DEFB125: variants seen among roughly 807,000 people sequenced by gnomAD.
DEFB125 encodes the protein beta-defensin 125.
Under a neutral mutation model 11.8 loss-of-function variants are expected in DEFB125, and 11 were observed. That is an observed-to-expected ratio of 0.94 (90% CI 0.59 to 1.55). The LOEUF is 1.55. DEFB125 is among the 40% of genes most tolerant of loss of function. The pLI, the probability that DEFB125 is intolerant of heterozygous loss-of-function variation, is 0.00. For synonymous variants in DEFB125, 79 were observed against 66.7 expected (o/e 1.18, Z -0.90); for missense variants, 198 against 191.2 (o/e 1.04, Z -0.21).
chr20:91,713 T>C (rs2054496791), intron 1 of DEFB125, among the ~76,000 whole-genome samples: 1 of 152,102 alleles, frequency 6.6e-6, no homozygotes, highest in Admixed American at 6.5e-5. Flanking sequence ...TGAAGAATAA[T>C]TGACAGAACA....
chr20:94,819 ACTTTTTTAGCTC>A (rs1402572035), intron 1 of DEFB125, among the ~76,000 whole-genome samples: 7 of 152,028 alleles, frequency 4.6e-5, no homozygotes, highest in Non-Finnish European at 1.5e-5. Context: ...TATGAACTCA[ACTTTTTTAGCTC>A]CTGCTTATGA....
In DEFB125 at chr20:96,407, C is replaced by T; in HGVS notation, c.461C>T (p.Thr154Ile). 2 of 1,608,030 alleles carry T rather than the reference C, an allele frequency of 1.2e-6. No individual in the cohort carries two copies. Among genetic ancestry groups the T allele is most frequent in the Non-Finnish European group, 8.5e-7 (1 of 1,177,074 alleles). The part of the protein sequence containing the change: ...TMPPPSQTAL[T>I]HN ...CCACCACCTTCTCAGACAGCTCTTACTCATAATTAATTAACATTTACTTCT... is the reference window on the plus strand; with the variant it reads ...CCACCACCTTCTCAGACAGCTCTTATTCATAATTAATTAACATTTACTTCT... Residue 154 changes from threonine to isoleucine, a missense_variant, in exon 2 of 2, where the codon ACT (threonine) becomes ATT (isoleucine). Thr to Ile is a moderately conservative substitution (Grantham distance 89). Transcript: ENST00000382410.
chr20:87,842 G>T, intron 1 of DEFB125, 75 bp downstream of exon 1: 1 of 1,490,242 alleles, frequency 6.7e-7, no homozygotes, highest in South Asian at 1.1e-5. Flanking sequence ...TATCATGATG[G>T]GAAGAGAGGG....
chr20:94,059 C>T (rs1448047047), intron 1 of DEFB125, among the ~76,000 whole-genome samples: 1 of 147,850 alleles, frequency 6.8e-6, no homozygotes, highest in African/African-American at 2.5e-5. Flanking sequence ...GGACCTGATG[C>T]CCAATTAAAC....
Position 96,672 on chromosome 20 carries a change from G to A in DEFB125, c.*255G>A, listed in dbSNP as rs932446007. 3.8e-5 allele frequency: 16 copies of A among 420,030 alleles called. No homozygotes were observed. The highest frequency in any genetic ancestry group is 2.8e-4 in the African/African-American group (14 of 50,344). The allele number at this position is 420,030 out of a possible 1,614,324, so 26.0% of individuals were successfully genotyped here. ...AATTCTTTATCTGTCTTCCTCCGAT[G>A]TACTCAAATATATGAGCTAATTTTT... On this transcript the variant is annotated 3_prime_UTR_variant, in exon 2 of 2. Transcript: ENST00000382410.
Position 96,216 on chromosome 20 carries a change from T to C in DEFB125, c.270T>C (p.Gly90=). The C allele has an allele frequency of 6.2e-7, 1 of 1,614,152 alleles. No homozygotes were observed. The highest frequency in any genetic ancestry group is 1.1e-5 in the South Asian group (1 of 91,082). ...LDYSDVDSFT[G]SPVSMLNDLI... ...ATAGTGATGTGGACTCTTTTACTGG[T>C]TCCCCAGTATCTATGTTGAATGATC... The change falls in exon 2 of 2, where the codon GGT becomes GGC. Residue 90 remains glycine (G), a synonymous_variant. Coordinates refer to ENST00000382410, the MANE Select transcript of DEFB125 (RefSeq NM_153325.4).
intron 1 of DEFB125, among the ~76,000 whole-genome samples, chr20:92,437 G>A (rs951794935): frequency 2.0e-5 from 3 of 148,326 alleles, no homozygotes; most frequent in African/African-American, 7.6e-5. Flanking sequence ...TCTGTCACCA[G>A]GCTGGACTGC....
rs1202019617 is a variant in DEFB125 at position 96,538 on chromosome 20, A to T, written c.*121A>T. On this transcript the variant is annotated 3_prime_UTR_variant, in exon 2 of 2. Transcript: ENST00000382410. ...CATCAGGGATTGGATGACCATGGGG[A>T]TGGACATAATTGCTACTACCAACAC... The T allele has an allele frequency of 4.0e-6, 5 of 1,236,026 alleles. No homozygotes were observed. Among genetic ancestry groups the T allele is most frequent in the Non-Finnish European group, 5.6e-6 (5 of 894,300 alleles). 76.6% of individuals were successfully genotyped at this position (1,236,026 alleles called of 1,614,324 possible). A position where few individuals can be genotyped will look rare whatever the true frequency, so the allele number is the denominator to read the frequency against.
chr20:94,780 C>G (rs2054508798), intron 1 of DEFB125, among the ~76,000 whole-genome samples: 1 of 152,174 alleles, frequency 6.6e-6, no homozygotes, highest in African/African-American at 2.4e-5. Context: ...TTCCCAGCCT[C>G]TAGTAATCAT....
rs1398627579 is a variant in DEFB125, at chr20:96,472, A to G, written c.*55A>G. ...AGAAATACTGCTGGAAATAATATCC[A>G]AAGAGCTGATTCTACCAATCCAATT... On this transcript the variant is annotated 3_prime_UTR_variant, in exon 2 of 2. Coordinates refer to ENST00000382410, the MANE Select transcript of DEFB125 (RefSeq NM_153325.4). 6.5e-7 allele frequency: 1 copy of G among 1,540,378 alleles called. No individual in the cohort carries two copies. Among genetic ancestry groups the G allele is most frequent in the Non-Finnish European group, 8.7e-7 (1 of 1,147,816 alleles).
At chr20:89,904 T>C (rs1259018298) in intron 1 of DEFB125, among the ~76,000 whole-genome samples, 1 of 152,166 alleles carries the variant, frequency 6.6e-6, no homozygotes, top group Non-Finnish European at 1.5e-5. Flanking sequence ...ATTTTCATTT[T>C]TGTGTTCTCT....
intron 1 of DEFB125, among the ~76,000 whole-genome samples, chr20:90,825 G>A (rs1009686919): frequency 2.6e-5 from 4 of 152,126 alleles, no homozygotes; most frequent in African/African-American, 9.7e-5. Flanking sequence ...CCTCTGCCTA[G>A]AATGTACTTG....
intron 1 of DEFB125, among the ~76,000 whole-genome samples, chr20:91,122 A>G (rs1054038772): frequency 1.3e-5 from 2 of 152,058 alleles, no homozygotes; most frequent in African/African-American, 4.8e-5. Flanking sequence ...GTCTATTCAA[A>G]TCTTTTGCCT....
chr20:91,541 A>G (rs1404076714), intron 1 of DEFB125, among the ~76,000 whole-genome samples: 1 of 152,084 alleles, frequency 6.6e-6, no homozygotes, highest in African/African-American at 2.4e-5. Flanking sequence ...GCTCCATGTG[A>G]TTTTTGTCTG....
chr20:91,793 G>GA (rs940397299), intron 1 of DEFB125, among the ~76,000 whole-genome samples: 10 of 152,138 alleles, frequency 6.6e-5, no homozygotes, highest in Admixed American at 2.6e-4. Flanking sequence ...AATGCTGGAG[G>GA]AAAAAAATTA....
intron 1 of DEFB125, among the ~76,000 whole-genome samples, chr20:91,791 A>C (rs1218296024): frequency 6.6e-6 from 1 of 152,244 alleles, no homozygotes; most frequent in East Asian, 1.9e-4. Flanking sequence ...ATAATGCTGG[A>C]GGAAAAAAAT....
rs1339060807 is a variant in DEFB125 at position 89,934 on chromosome 20, T to C, written c.58+2167T>C. On this transcript the variant is annotated intron_variant, in intron 1 of 1. Transcript: ENST00000382410. ...TTCTCTTATAGGTTTTGTTTTGAAATTTAGCTATTTAGTCTCTCTGGGCTT... is the reference window on the plus strand; with the variant it reads ...TTCTCTTATAGGTTTTGTTTTGAAACTTAGCTATTTAGTCTCTCTGGGCTT... Among the ~76,000 whole-genome samples, 3 of 152,170 alleles carry C rather than the reference T, an allele frequency of 2.0e-5. No homozygotes were observed. The East Asian group carries it at 5.8e-4, about 29-fold the overall frequency.
rs567733763 is a variant in DEFB125, at chr20:90,340, G to T, written c.58+2573G>T. Among the ~76,000 whole-genome samples the T allele has an allele frequency of 2.0e-5, 3 of 152,070 alleles. No individual in the cohort carries two copies. The East Asian group carries it at 5.8e-4, about 29-fold the overall frequency. On this transcript the variant is annotated intron_variant, in intron 1 of 1. Coordinates refer to ENST00000382410, the MANE Select transcript of DEFB125 (RefSeq NM_153325.4). ...TTCTACTGCTAAAACCAAATTCTTG[G>T]AATTATCTATGATTTTTCTATATCC...
Position 87,701 on chromosome 20 carries a change from C to T in DEFB125, c.-9C>T, listed in dbSNP as rs764493846. ...CTCAGGACACAGAGCTTCCTCTCTCCCAGGAGCCATGAATATCCTGATGCT... is the reference window on the plus strand; with the variant it reads ...CTCAGGACACAGAGCTTCCTCTCTCTCAGGAGCCATGAATATCCTGATGCT... On this transcript the variant is annotated 5_prime_UTR_variant, in exon 1 of 2. Transcript: ENST00000382410. The T allele has an allele frequency of 5.6e-6, 9 of 1,612,902 alleles. No homozygotes were observed. The African/African-American group carries it at 6.7e-5, about 12-fold the overall frequency.
Sources: gnomAD v4.1 joint callset for allele counts (sites outside exome capture counted in the v4.1 genomes callset) on GRCh38, gnomAD v4.1.1 for gene constraint, MANE v1.5 for transcripts, NCBI Gene and HGNC (gene_info 2026-07-23, HGNC 2026-07-21) for gene names.